SAXO1: variants seen among roughly 807,000 people sequenced by gnomAD.
The protein encoded by SAXO1 is 4930500O09Rik.
In SAXO1, 21 loss-of-function variants were observed where a neutral mutation model predicts 17.5. The observed-to-expected ratio is 1.20, with a 90% CI of 0.85 to 1.72. SAXO1 has a LOEUF of 1.72. Among genes scored for constraint, SAXO1 ranks in the 40% most tolerant of loss-of-function variants. SAXO1 has a pLI of 0.00. For synonymous variants in SAXO1, 274 were observed against 216.5 expected, an observed-to-expected ratio of 1.27 and a Z score of -2.33; for missense variants, 843 against 596.0, an observed-to-expected ratio of 1.41 and a Z score of -4.32.
Position 18,956,116 on chromosome 9 carries a change from T to C in SAXO1, c.39-5179A>G, listed in dbSNP as rs1342638305. Among the ~76,000 whole-genome samples, 28 of 149,930 alleles carry C rather than the reference T, an allele frequency of 1.9e-4. No homozygotes were observed. In the Middle Eastern group the frequency reaches 0.01, roughly 55 times the overall value. ...CCACTGCACAACCTGGCTAATTTTT[T>C]TTTTTTTTTTTTTTTGTAGAAATGG... On this transcript the variant is annotated intron_variant, in intron 1 of 3. Transcript: ENST00000380534.
At chr9:18,955,837 T>C (rs1832235581) in intron 1 of SAXO1, among the ~76,000 whole-genome samples, 1 of 152,026 alleles carries the variant, frequency 6.6e-6, no homozygotes, top group Non-Finnish European at 1.5e-5. Flanking sequence ...AAGATCCCAC[T>C]ACACAGTTAC....
upstream of SAXO1, among the ~76,000 whole-genome samples, chr9:19,033,430 G>A (rs1254754038): frequency 2.0e-5 from 3 of 152,222 alleles, no homozygotes. Context: ...TGCAGTAAAC[G>A]GTCACACGTG....
chr9:19,026,335 A>C (rs1203456314), intron 1 of SAXO1, among the ~76,000 whole-genome samples: 1 of 152,200 alleles, frequency 6.6e-6, no homozygotes, highest in Non-Finnish European at 1.5e-5. Context: ...AATATGAATA[A>C]AATTTAATTG....
At chr9:19,004,864 A>T (rs893074340) in intron 1 of SAXO1, among the ~76,000 whole-genome samples, 1 of 152,170 alleles carries the variant, frequency 6.6e-6, no homozygotes, top group African/African-American at 2.4e-5. Flanking sequence ...CTTAGAGTAA[A>T]ATAATAATAA....
chr9:18,959,459 G>A (rs1038026510), intron 1 of SAXO1, among the ~76,000 whole-genome samples: 5 of 152,258 alleles, frequency 3.3e-5, no homozygotes, highest in Admixed American at 1.3e-4. Context: ...CAGACAGAGA[G>A]TGCACGAGGC....
intron 1 of SAXO1, among the ~76,000 whole-genome samples, chr9:18,968,949 G>C (rs1588456863): frequency 6.6e-6 from 1 of 152,234 alleles, no homozygotes; most frequent in East Asian, 1.9e-4. Flanking sequence ...TAAAAAACAT[G>C]GCTGGCTGGC....
chr9:19,037,253 T>C (rs1641487715), upstream of SAXO1, among the ~76,000 whole-genome samples: 2 of 152,230 alleles, frequency 1.3e-5, no homozygotes, highest in Admixed American at 1.3e-4. Flanking sequence ...GACTGTGGAC[T>C]TTCGGGTTAA....
At chr9:19,017,075 G>C (rs1835007108) in intron 1 of SAXO1, among the ~76,000 whole-genome samples, 1 of 152,140 alleles carries the variant, frequency 6.6e-6, no homozygotes. Flanking sequence ...TTGGGAGGCA[G>C]AGGTGGGCAG....
chr9:18,987,903 AAAAAAAG>A (rs1176415113), intron 1 of SAXO1, among the ~76,000 whole-genome samples: 2,287 of 149,802 alleles, frequency 0.015, 72 homozygotes, highest in African/African-American at 0.053. Flanking sequence ...TCTCAAAAAA[AAAAAAAG>A]AAAAAAAGAA....
At chr9:18,959,285 C>T (rs753573565) in intron 1 of SAXO1, among the ~76,000 whole-genome samples, 6 of 151,992 alleles carry the variant, frequency 3.9e-5, no homozygotes, top group South Asian at 4.1e-4. Context: ...GAAACAGATT[C>T]GCAGATAGGA....
In SAXO1 at chr9:18,928,443, T is replaced by C. The variant is rs34044510; in HGVS notation, c.1034A>G (p.Lys345Arg). The C allele has an allele frequency of 0.038, 60,453 of 1,609,968 alleles. 1,646 individuals are homozygous for C. The highest frequency in any genetic ancestry group is 0.12 in the South Asian group (10,437 of 90,454). ...EGSSTTKDDY[K>R]QWSSMRTEPV... ...CTCTGTGCGCATGCTGGACCACTGC[T>C]TGTAGTCATCCTTGGTGGTGGAAGA... Residue 345 changes from lysine to arginine, a missense_variant, in exon 4 of 4, where the codon AAG becomes AGG. Lys to Arg is a conservative substitution (Grantham distance 26). Coordinates refer to ENST00000380534, the MANE Select transcript of SAXO1 (RefSeq NM_153707.4).
chr9:18,996,309 T>C (rs1833997753), intron 1 of SAXO1, among the ~76,000 whole-genome samples: 1 of 152,190 alleles, frequency 6.6e-6, no homozygotes, highest in Admixed American at 6.5e-5. Context: ...AGGGATACAT[T>C]CTGAGAAATG....
At chr9:19,034,683 C>A (rs184962686), upstream of SAXO1, among the ~76,000 whole-genome samples, 3 of 152,250 alleles carry the variant, frequency 2.0e-5, no homozygotes, top group Non-Finnish European at 2.9e-5. Context: ...CTTGCCTTCC[C>A]AGTAGGAAGT....
intron 1 of SAXO1, among the ~76,000 whole-genome samples, chr9:18,975,284 A>G (rs1434636714): frequency 6.6e-6 from 1 of 152,166 alleles, no homozygotes; most frequent in Non-Finnish European, 1.5e-5. Flanking sequence ...GGTTCTGGAC[A>G]GGCAGACAGA....
intron 1 of SAXO1, among the ~76,000 whole-genome samples, chr9:19,031,038 C>T (rs1183361535): frequency 6.6e-6 from 1 of 152,182 alleles, no homozygotes; most frequent in African/African-American, 2.4e-5. Flanking sequence ...AAAGTGACTC[C>T]TTTGCAGGGA....
chr9:18,957,517 G>A (rs906946777), intron 1 of SAXO1, among the ~76,000 whole-genome samples: 1 of 152,136 alleles, frequency 6.6e-6, no homozygotes, highest in African/African-American at 2.4e-5. Flanking sequence ...AGGATTTGCA[G>A]CCCATTTTTC....
intron 1 of SAXO1, among the ~76,000 whole-genome samples, chr9:18,996,867 TA>T (rs1359699095): frequency 6.6e-6 from 1 of 151,522 alleles, no homozygotes; most frequent in East Asian, 1.9e-4. Flanking sequence ...AAAAACATAG[TA>T]AAAGGCATCC....
rs190007192 is a variant in SAXO1, at chr9:18,936,739, T to C, written c.421+4898A>G. 3.1e-3 allele frequency among the ~76,000 whole-genome samples: 479 copies of C among 152,298 alleles called. 3 individuals are homozygous for C. Among genetic ancestry groups the C allele is most frequent in the African/African-American group, 0.011 (447 of 41,566 alleles). On this transcript the variant is annotated intron_variant, in intron 3 of 3. Coordinates refer to ENST00000380534, the MANE Select transcript of SAXO1 (RefSeq NM_153707.4). The stretch of plus-strand genomic sequence containing the variant: ...AAGAACTTCTTTAAAAGGGATTCCA[T>C]TCAATAATGTGCCTTTAAAAAAACA...
In SAXO1 at chr9:18,954,666, GGGC is replaced by G. The variant is rs879329784; in HGVS notation, c.39-3732_39-3730del. On this transcript the variant is annotated intron_variant, in intron 1 of 3. Coordinates refer to ENST00000380534, the MANE Select transcript of SAXO1 (RefSeq NM_153707.4). ...ATCACAGAATTTTTAAATTGAAAGG[GGGC>G]ATGGGAAATATCTGTTCTAGTATCT... 4.8e-3 allele frequency among the ~76,000 whole-genome samples: 727 copies of G among 152,110 alleles called. 4 individuals carry two copies. Among genetic ancestry groups the G allele is most frequent in the Non-Finnish European group, 8.7e-3 (589 of 67,990 alleles).
Sources: gnomAD v4.1 joint callset for allele counts (sites outside exome capture counted in the v4.1 genomes callset) on GRCh38, gnomAD v4.1.1 for gene constraint, MANE v1.5 for transcripts, NCBI Gene and HGNC (gene_info 2026-07-23, HGNC 2026-07-21) for gene names.